RERGL: variants seen among roughly 807,000 people sequenced by gnomAD.
The protein encoded by RERGL is RERG like.
A neutral mutation model predicts 24.7 loss-of-function variants in RERGL; 22 were observed. That is an observed-to-expected ratio of 0.89 (90% CI 0.64 to 1.27). RERGL has a LOEUF of 1.27. Ranked by LOEUF, RERGL falls within the 50% of genes most tolerant of loss-of-function variation. The pLI is 0.00. For synonymous variants in RERGL, 76 were observed against 82.6 expected, an observed-to-expected ratio of 0.92 and a Z score of 0.43; for missense variants, 259 against 235.3, an observed-to-expected ratio of 1.10 and a Z score of -0.66.
chr12:18,084,460 T>C lies in RERGL; in HGVS notation c.332+57A>G, dbSNP rs114502920. 1,606 of 1,508,394 alleles carry C rather than the reference T, an allele frequency of 1.1e-3. 18 individuals carry two copies. The African/African-American group carries it at 0.021, about 19-fold the overall frequency. The allele number at this position is 1,508,394 out of a possible 1,614,324, so 93.4% of individuals were successfully genotyped here. On this transcript the variant is annotated intron_variant, in intron 4 of 4. Transcript: ENST00000538724. ...GTATTAAACTCTTCCTAATGATGCT[T>C]ACAGCTATATGATGATTTACTAAAA...
At chr12:18,087,431 T>C (rs747387178) in intron 2 of RERGL, among the ~76,000 whole-genome samples, 49 of 152,340 alleles carry the variant, frequency 3.2e-4, no homozygotes, top group Non-Finnish European at 5.4e-4. Context: ...TATTTCCTTC[T>C]AGCCAATTAA....
rs1947204654 is a variant in RERGL, at chr12:18,084,782, AT to A, written c.184-118del. ...TGGAAGATACATCAATGTGTTAAATATTGATATTTTCTAAAATATAGTTCTG... is the reference window on the plus strand; with the variant it reads ...TGGAAGATACATCAATGTGTTAAATATGATATTTTCTAAAATATAGTTCTG... On this transcript the variant is annotated intron_variant, in intron 3 of 4. Coordinates refer to ENST00000538724, the MANE Select transcript of RERGL (RefSeq NM_001286201.2). The A allele has an allele frequency of 2.5e-5, 18 of 717,038 alleles. No individual in the cohort carries two copies. The East Asian group carries it at 5.3e-4, about 21-fold the overall frequency. The allele number at this position is 717,038 out of a possible 1,614,324, so 44.4% of individuals were successfully genotyped here. A position where few individuals can be genotyped will look rare whatever the true frequency, so the allele number is the denominator to read the frequency against.
chr12:18,084,531 A>G lies in RERGL; in HGVS notation c.318T>C (p.Thr106=), dbSNP rs377757755. 21 of 1,605,282 alleles carry G rather than the reference A, an allele frequency of 1.3e-5. No individual in the cohort carries two copies. The highest frequency in any genetic ancestry group is 2.7e-5 in the African/African-American group (2 of 74,388). The change falls in exon 4 of 5, where the codon ACT becomes ACC. Residue 106 remains threonine, a synonymous_variant. Coordinates refer to ENST00000538724, the MANE Select transcript of RERGL (RefSeq NM_001286201.2). ...AAATACCTTACCTTTTACAATGACT[A>G]GTTTGTGGCTCCCGGATTCTGTAGA... ...ALIYRIREPQ[T]SHCKRAVESA... is the part of the protein sequence containing the mutation.
At position 18,084,575 on chromosome 12, in the gene RERGL, C is replaced by T; in HGVS notation, c.274G>A (p.Ala92Thr). 1 of 1,612,676 alleles carries T rather than the reference C, an allele frequency of 6.2e-7. No homozygotes were observed. Among genetic ancestry groups the T allele is most frequent in the East Asian group, 2.2e-5 (1 of 44,756 alleles). The change falls in exon 4 of 5, where the codon GCT becomes ACT. Residue 92 changes from alanine to threonine, a missense_variant. Physicochemically the swap from Ala to Thr is moderately conservative, Grantham distance 58 (BLOSUM62 0). Coordinates refer to ENST00000538724, the MANE Select transcript of RERGL (RefSeq NM_001286201.2). ...VYDISDRSSFAFAKALIYRIR... is the reference protein window; with the variant it reads ...VYDISDRSSFTFAKALIYRIR... ...CTGTAGATCAGCGCTTTTGCAAAAG[C>T]AAATGAAGACCTATCACTGATGTCA... is the stretch of plus-strand genomic sequence containing the variant.
chr12:18,083,177 A>G (rs1947189191), intron 4 of RERGL, among the ~76,000 whole-genome samples: 1 of 152,166 alleles, frequency 6.6e-6, no homozygotes, highest in Admixed American at 6.5e-5. Context: ...ATGTATTTTC[A>G]AGGGTGGGAC....
At position 18,089,460 on chromosome 12, in the gene RERGL, A is replaced by G. The variant is rs879044114; in HGVS notation, c.53-504T>C. 28 of 1,014,874 alleles carry G rather than the reference A, an allele frequency of 2.8e-5. No homozygotes were observed. The South Asian group carries it at 6.8e-4, about 25-fold the overall frequency. The allele number at this position is 1,014,874 out of a possible 1,614,324, so 62.9% of individuals were successfully genotyped here. A position where few individuals can be genotyped will look rare whatever the true frequency, so the allele number is the denominator to read the frequency against. ...TCACAGCTCCTGGGTTTGGCCAGTT[A>G]AGATGCTATGATTCTTTAGGCTCAA... On this transcript the variant is annotated intron_variant, in intron 1 of 4. Coordinates refer to ENST00000538724, the MANE Select transcript of RERGL (RefSeq NM_001286201.2).
chr12:18,085,174 G>C (rs1947208021), intron 3 of RERGL, among the ~76,000 whole-genome samples: 2 of 152,096 alleles, frequency 1.3e-5, no homozygotes, highest in African/African-American at 4.8e-5. Flanking sequence ...TCTCTTACGT[G>C]TATAATCCCA....
chr12:18,090,068 A>G, intron 1 of RERGL, 21 bp downstream of exon 1: 2 of 1,524,516 alleles, frequency 1.3e-6, no homozygotes, highest in South Asian at 1.2e-5. Flanking sequence ...CTATGATAAC[A>G]GAGAAGATGT....
intron 2 of RERGL, among the ~76,000 whole-genome samples, chr12:18,088,555 T>A (rs191464586): frequency 6.6e-6 from 1 of 152,210 alleles, no homozygotes; most frequent in East Asian, 1.9e-4. Context: ...TTTTCTCTTA[T>A]TTTTTAAAGA....
chr12:18,084,834 A>G (rs1369233190), intron 3 of RERGL, among the ~76,000 whole-genome samples, 169 bp from the exon 4 acceptor site: 1 of 152,206 alleles, frequency 6.6e-6, no homozygotes, highest in African/African-American at 2.4e-5. Context: ...TTTGTCCTTA[A>G]TTAAAAGTGA....
chr12:18,081,467 C>T lies in RERGL; in HGVS notation c.339G>A (p.Val113=), dbSNP rs1947170933. Residue 113 remains valine (V), a synonymous_variant, in exon 5 of 5, where the codon GTG becomes GTA. Coordinates refer to ENST00000538724, the MANE Select transcript of RERGL (RefSeq NM_001286201.2). ...EPQTSHCKRA[V]ESAVFLVGNK... ...TGCCAACCAAAAACACTGCTGATTC[C>T]ACAGCTCTGAAATAGAGATACACAA... The T allele has an allele frequency of 6.2e-7, 1 of 1,602,984 alleles. No homozygotes were observed.
Position 18,082,198 on chromosome 12 carries a change from T to C in RERGL, c.333-725A>G, listed in dbSNP as rs375874423. On this transcript the variant is annotated intron_variant, in intron 4 of 4. Transcript: ENST00000538724. ...CCCTTTGCGGGGACATGGATGGAGC[T>C]GGAGGCCATTATCTTTAGTAAACTG... Among the ~76,000 whole-genome samples, 153 of 150,196 alleles carry C rather than the reference T, an allele frequency of 1.0e-3. 1 individual carries two copies. Among genetic ancestry groups the C allele is most frequent in the African/African-American group, 3.4e-3 (139 of 40,946 alleles).
In RERGL at chr12:18,081,030, A is replaced by T; in HGVS notation, c.*161T>A. 1.6e-6 allele frequency: 1 copy of T among 637,688 alleles called. No homozygotes were observed. Among genetic ancestry groups the T allele is most frequent in the Non-Finnish European group, 2.6e-6 (1 of 387,474 alleles). The allele number at this position is 637,688 out of a possible 1,614,324, so 39.5% of individuals were successfully genotyped here. A position where few individuals can be genotyped will look rare whatever the true frequency, so the allele number is the denominator to read the frequency against. Reference sequence around the variant, plus strand: ...CAGGGTACAACAACCAAAAAGGCAAACTACATATTTGAAAACACAGCTGTG... The same window carrying T: ...CAGGGTACAACAACCAAAAAGGCAATCTACATATTTGAAAACACAGCTGTG... On this transcript the variant is annotated 3_prime_UTR_variant, in exon 5 of 5. Transcript: ENST00000538724.
Position 18,088,943 on chromosome 12 carries a change from C to T in RERGL, c.66G>A (p.Arg22=). The part of the protein sequence containing the change: ...EGTGKSALTV[R]FLTKRFIGEY... Reference sequence around the variant, plus strand: ...CTCCAATGAATCGCTTAGTAAGAAACCTCACTGTAAGGGCTGCAAAGCAAA... The same window carrying T: ...CTCCAATGAATCGCTTAGTAAGAAATCTCACTGTAAGGGCTGCAAAGCAAA... Residue 22 remains arginine, a synonymous_variant, in exon 2 of 5, where the codon AGG becomes AGA. Transcript: ENST00000538724. 2 of 1,610,110 alleles carry T rather than the reference C, an allele frequency of 1.2e-6. No individual in the cohort carries two copies. Among genetic ancestry groups the T allele is most frequent in the Non-Finnish European group, 1.7e-6 (2 of 1,176,774 alleles).
intron 4 of RERGL, among the ~76,000 whole-genome samples, chr12:18,083,288 T>C (rs897520302): frequency 6.6e-6 from 1 of 152,114 alleles, no homozygotes; most frequent in African/African-American, 2.4e-5. Flanking sequence ...ATCTAGTCAA[T>C]AAACTAGAAA....
At chr12:18,090,067 C>T (rs1168306460) in intron 1 of RERGL, 22 bp downstream of exon 1, 1 of 1,521,526 alleles carries the variant, frequency 6.6e-7, no homozygotes, top group Non-Finnish European at 8.8e-7. Context: ...TCTATGATAA[C>T]AGAGAAGATG....
In RERGL at chr12:18,087,433, G is replaced by A. The variant is rs542202462; in HGVS notation, c.109+1467C>T. Among the ~76,000 whole-genome samples the A allele has an allele frequency of 5.3e-5, 8 of 152,178 alleles. No homozygotes were observed. In the South Asian group the frequency reaches 1.7e-3, roughly 32 times the overall value. Reference sequence around the variant, plus strand: ...CTCCAAACCACACTATTTCCTTCTAGCCAATTAAAACTATCCACTCTCAAA... The same window carrying A: ...CTCCAAACCACACTATTTCCTTCTAACCAATTAAAACTATCCACTCTCAAA... On this transcript the variant is annotated intron_variant, in intron 2 of 4. Transcript: ENST00000538724.
intron 2 of RERGL, 51 bp from the exon 3 acceptor site, chr12:18,085,744 A>G: frequency 9.8e-7 from 1 of 1,015,232 alleles, no homozygotes; most frequent in Non-Finnish European, 1.5e-6. Context: ...CCAAACGTGA[A>G]CTGATAAATT....
intron 2 of RERGL, among the ~76,000 whole-genome samples, chr12:18,088,202 A>C (rs1365023238): frequency 6.6e-6 from 1 of 151,984 alleles, no homozygotes; most frequent in East Asian, 1.9e-4. Flanking sequence ...TCCTCATTTC[A>C]TTTCTTCAAT....
Sources: gnomAD v4.1 joint callset for allele counts (sites outside exome capture counted in the v4.1 genomes callset) on GRCh38, gnomAD v4.1.1 for gene constraint, MANE v1.5 for transcripts, NCBI Gene and HGNC (gene_info 2026-07-23, HGNC 2026-07-21) for gene names.